The following GK variants were observed in gnomAD, a reference collection of about 807,000 sequenced individuals.
GK encodes glycerol kinase.
A neutral mutation model predicts 56.4 loss-of-function variants in GK; 9 were observed. That is an observed-to-expected ratio of 0.16 (90% CI 0.10 to 0.28). The LOEUF is 0.28. Ranked by LOEUF, GK falls within the 10% of genes least tolerant of loss-of-function variation. GK has a pLI of 1.00. For synonymous variants in GK, 104 were observed against 144.1 expected, an observed-to-expected ratio of 0.72 and a Z score of 1.99; for missense variants, 161 against 431.4, an observed-to-expected ratio of 0.37 and a Z score of 5.55.
At chrX:30,704,980 C>T (rs756063452) in intron 11 of GK, among the ~76,000 whole-genome samples, 10 of 112,335 alleles carry the variant, frequency 8.9e-5, no homozygotes, top group South Asian at 3.7e-4. Context: ...ATGTGCTTTG[C>T]AAAAATACAA....
At chrX:30,664,199 AT>A (rs1351180525) in intron 1 of GK, among the ~76,000 whole-genome samples, 26 of 90,097 alleles carry the variant, frequency 2.9e-4, no homozygotes, top group South Asian at 1.4e-3. Flanking sequence ...ATATATATAG[AT>A]TTTTTTTTTT....
At chrX:30,653,699 C>T in intron 1 of GK, 84 bp downstream of exon 1, 3 of 873,724 alleles carry the variant, frequency 3.4e-6, no homozygotes, top group Non-Finnish European at 3.4e-6. Flanking sequence ...GTCCCCATCC[C>T]GCATCTCTCC....
chrX:30,659,740 G>A (rs755544282), intron 1 of GK, among the ~76,000 whole-genome samples: 75 of 112,153 alleles, frequency 6.7e-4, no homozygotes, highest in African/African-American at 2.4e-3. Flanking sequence ...TGTTTCAGAA[G>A]CTAATTTTTA....
At position 30,665,681 on chromosome X, in the gene GK, A is replaced by G. The variant is rs192627100; in HGVS notation, c.152+97A>G. The G allele has an allele frequency of 1.4e-3, 771 of 553,962 alleles. 2 individuals carry two copies. In the African/African-American group the frequency reaches 0.015, roughly 11 times the overall value. 45.7% of individuals were successfully genotyped at this position (553,962 alleles called of 1,213,427 possible). On this transcript the variant is annotated intron_variant, in intron 2 of 20. Transcript: ENST00000427190. ...ATTTGTAAAGTAAACTTGGTCAGAC[A>G]TCCTCCTGAAAACATTTGAAAGGTT... is the stretch of plus-strand genomic sequence containing the variant.
chrX:30,684,666 C>CAAAAAAAAAAAAAA (rs60771873), intron 4 of GK, among the ~76,000 whole-genome samples: 3 of 32,404 alleles, frequency 9.3e-5, no homozygotes, highest in Non-Finnish European at 1.5e-4. Flanking sequence ...AACTCCATCT[C>CAAAAAAAAAAAAAA]AAAAAAAAAA....
intron 5 of GK, among the ~76,000 whole-genome samples, chrX:30,692,161 G>A (rs778081375): frequency 9.0e-6 from 1 of 111,057 alleles, no homozygotes. Context: ...AACTATTGTT[G>A]AAATCCCATT....
chrX:30,724,598 T>C (rs1042984441), intron 19 of GK: 3 of 308,806 alleles, frequency 9.7e-6, no homozygotes, highest in African/African-American at 8.2e-5. Flanking sequence ...TATATTCTGC[T>C]ACTTCCTAGG....
intron 11 of GK, among the ~76,000 whole-genome samples, chrX:30,703,363 G>C (rs1445135618): frequency 9.0e-6 from 1 of 111,704 alleles, no homozygotes. Context: ...AGTCTTGGGT[G>C]AAAGTGAGGA....
rs1936733440 is a variant in GK at position 30,718,401 on chromosome X, T to C, written c.976-137T>C. 8.1e-6 allele frequency: 4 copies of C among 495,737 alleles called. No homozygotes were observed. In the South Asian group the frequency reaches 1.1e-4, roughly 14 times the overall value. 40.9% of individuals were successfully genotyped at this position (495,737 alleles called of 1,213,427 possible). On this transcript the variant is annotated intron_variant, in intron 13 of 20. Transcript: ENST00000427190. Reference sequence around the variant, plus strand: ...AAAACTATGTTTGTATTAGAAGACCTAGTTTACATATTTGTCGGAGTCTCA... The same window carrying C: ...AAAACTATGTTTGTATTAGAAGACCCAGTTTACATATTTGTCGGAGTCTCA...
At position 30,697,750 on chromosome X, in the gene GK, G is replaced by A; in HGVS notation, c.747+1G>A. 4.3e-6 allele frequency: 5 copies of A among 1,162,247 alleles called. No individual in the cohort carries two copies. The South Asian group carries it at 7.2e-5, about 17-fold the overall frequency. On this transcript the variant is annotated splice_donor_variant, in intron 9 of 20. Transcript: ENST00000427190. LOFTEE classifies it high-confidence loss of function. The stretch of plus-strand genomic sequence containing the variant: ...ACTATAGAAAATCTCTCATAGCGTG[G>A]TGAGTAGGTTGCCCGCCAATTATGT...
At chrX:30,676,820 T>C (rs761097174) in intron 3 of GK, among the ~76,000 whole-genome samples, 3 of 111,829 alleles carry the variant, frequency 2.7e-5, no homozygotes, top group Admixed American at 9.6e-5. Context: ...CAAATTCTTA[T>C]GTATTGTGAC....
At chrX:30,669,088 G>T (rs1019499652) in intron 3 of GK, among the ~76,000 whole-genome samples, 1 of 110,580 alleles carries the variant, frequency 9.0e-6, no homozygotes, top group African/African-American at 3.3e-5. Flanking sequence ...TGGGGAAGGG[G>T]TATTTGGAAT....
At chrX:30,678,071 C>A in intron 4 of GK, 2 of 524,558 alleles carry the variant, frequency 3.8e-6, no homozygotes, top group Non-Finnish European at 3.5e-6. Context: ...AGAGATCTTA[C>A]CTCCTTACCC....
chrX:30,728,639 A>G, intron 20 of GK, 93 bp from the exon 21 acceptor site: 1 of 626,968 alleles, frequency 1.6e-6, no homozygotes, highest in Non-Finnish European at 2.7e-6. Flanking sequence ...TGGACTTTCT[A>G]GCTTAATAAA....
chrX:30,715,366 G>A (rs1652185996), intron 13 of GK, among the ~76,000 whole-genome samples: 1 of 112,063 alleles, frequency 8.9e-6, no homozygotes, highest in Non-Finnish European at 1.9e-5. Context: ...CAGGCTACAT[G>A]TCTAGTTTTA....
In GK at chrX:30,720,553, G is replaced by T. The variant is rs371520040; in HGVS notation, c.1237-68G>T. 3 of 1,000,844 alleles carry T rather than the reference G, an allele frequency of 3.0e-6. No individual in the cohort carries two copies. In the African/African-American group the frequency reaches 5.6e-5, roughly 19 times the overall value. 82.5% of individuals were successfully genotyped at this position (1,000,844 alleles called of 1,213,427 possible). On this transcript the variant is annotated intron_variant, in intron 16 of 20. Transcript: ENST00000427190. ...AAGCTCTTGAGAGTTTCTGAGTGGA[G>T]GATTGCCATTTTCAGAGATGTTACT...
At chrX:30,714,036 T>C (rs1380242454) in intron 13 of GK, among the ~76,000 whole-genome samples, 2 of 111,929 alleles carry the variant, frequency 1.8e-5, no homozygotes, top group African/African-American at 6.5e-5. Flanking sequence ...GCCATTTTTT[T>C]CTTTTTAAAT....
intron 5 of GK, among the ~76,000 whole-genome samples, chrX:30,692,597 G>A (rs776860438): frequency 9.1e-6 from 1 of 109,382 alleles, no homozygotes; most frequent in African/African-American, 3.3e-5. Context: ...TCCTGCCTCA[G>A]CCTCCCCAGT....
intron 5 of GK, among the ~76,000 whole-genome samples, chrX:30,691,515 C>G (rs1426761949): frequency 2.0e-5 from 2 of 100,621 alleles, no homozygotes; most frequent in African/African-American, 3.7e-5. Context: ...GCTTGTTGCC[C>G]AGGCTGGAGT....
Sources: allele counts gnomAD v4.1 joint callset (sites outside exome capture counted in the v4.1 genomes callset), GRCh38; gene constraint gnomAD v4.1.1; transcripts MANE v1.5; gene names NCBI Gene and HGNC (gene_info 2026-07-23, HGNC 2026-07-21).